LETM1: variants seen among roughly 807,000 people sequenced by gnomAD.
LETM1 encodes the protein leucine zipper and EF-hand containing transmembrane protein 1.
In LETM1, 50 loss-of-function variants were observed where a neutral mutation model predicts 74.5. The observed-to-expected ratio is 0.67, with a 90% CI of 0.53 to 0.85. The LOEUF (loss-of-function observed/expected upper bound fraction) is 0.85. LETM1 is among the 40% of genes least tolerant of loss of function. The pLI, the probability that LETM1 is intolerant of heterozygous loss-of-function variation, is 0.00. For synonymous variants in LETM1, 446 were observed against 407.1 expected, an observed-to-expected ratio of 1.10 and a Z score of -1.15; for missense variants, 824 against 967.8, an observed-to-expected ratio of 0.85 and a Z score of 1.97.
intron 1 of LETM1, 64 bp downstream of exon 1, chr4:1,855,805 G>A: frequency 1.0e-6 from 1 of 998,160 alleles, no homozygotes; most frequent in Non-Finnish European, 1.3e-6. Flanking sequence ...CGAACCCGCG[G>A]GTCGTCCGCG....
chr4:1,823,272 G>T, intron 8 of LETM1, 141 bp from the exon 9 acceptor site: 1 of 1,186,690 alleles, frequency 8.4e-7, no homozygotes, highest in Non-Finnish European at 1.2e-6. Flanking sequence ...CACTGCCGAG[G>T]TGCTGCCCGC....
chr4:1,829,916 C>A (rs1287799745), intron 6 of LETM1, among the ~76,000 whole-genome samples: 1 of 152,156 alleles, frequency 6.6e-6, no homozygotes, highest in African/African-American at 2.4e-5. Context: ...CCTTAAAAAC[C>A]CTTTGTCTTC....
At chr4:1,816,638 G>T in intron 12 of LETM1, 89 bp downstream of exon 12, 1 of 1,314,354 alleles carries the variant, frequency 7.6e-7, no homozygotes, top group Non-Finnish European at 1.1e-6. Flanking sequence ...GCCCTTTGGA[G>T]CCAGAAGGGC....
chr4:1,850,238 G>A (rs1369620428), intron 1 of LETM1, among the ~76,000 whole-genome samples: 2 of 152,152 alleles, frequency 1.3e-5, no homozygotes, highest in Admixed American at 6.6e-5. Flanking sequence ...CTGAGTGTTG[G>A]AAGGTTTCAG....
Position 1,828,074 on chromosome 4 carries a change from G to A in LETM1, c.1081-2391C>T, listed in dbSNP as rs1411640344. Among the ~76,000 whole-genome samples the A allele has an allele frequency of 3.6e-5, 5 of 140,502 alleles. 1 individual carries two copies. The highest frequency in any genetic ancestry group is 1.1e-4 in the African/African-American group (4 of 36,190). 92.2% of individuals were successfully genotyped at this position (140,502 alleles called of 152,430 possible). ...ACCCCCCCCACCTCCCTCCCGGACG[G>A]GGCGGCTGGCCGGGCAGGGGGGCTG... On this transcript the variant is annotated intron_variant, in intron 6 of 13. Coordinates refer to ENST00000302787, the MANE Select transcript of LETM1 (RefSeq NM_012318.3).
intron 12 of LETM1, among the ~76,000 whole-genome samples, chr4:1,816,309 C>T (rs141399247): frequency 2.9e-4 from 44 of 152,348 alleles, no homozygotes; most frequent in South Asian, 6.2e-4. Context: ...ACTCACAAAA[C>T]GGCAGCTCCC....
At chr4:1,835,474 A>C (rs1435358602) in intron 4 of LETM1, among the ~76,000 whole-genome samples, 1 of 148,098 alleles carries the variant, frequency 6.8e-6, no homozygotes, top group Non-Finnish European at 1.5e-5. Flanking sequence ...AAAACAAACA[A>C]ACAAACAAAC....
rs1712320571 is a variant in LETM1, at chr4:1,832,744, C to T, written c.1080G>A (p.Lys360=). 1 of 1,614,112 alleles carries T rather than the reference C, an allele frequency of 6.2e-7. No homozygotes were observed. Among genetic ancestry groups the T allele is most frequent in the South Asian group, 1.1e-5 (1 of 91,072 alleles). Residue 360 remains lysine (K), a splice_region_variant and synonymous_variant, in exon 6 of 14, where the codon AAG becomes AAA. Coordinates refer to ENST00000302787, the MANE Select transcript of LETM1 (RefSeq NM_012318.3). ...MRLRSIKADD[K]LIAEEGVDSL... is the part of the protein sequence containing the mutation. ...TGGCGCGGAGTATGGCCAGGCTCAC[C>T]TTGTCGTCTGCCTTTATGGAGCGCA...
intron 2 of LETM1, chr4:1,846,640 GA>G (rs1188733979): frequency 1.3e-5 from 2 of 152,172 alleles, no homozygotes; most frequent in African/African-American, 2.4e-5. Flanking sequence ...CTAATAAAAA[GA>G]GTAACAGACA....
rs1284975772 is a variant in LETM1 at position 1,834,278 on chromosome 4, C to G, written c.876+567G>C. ...CTTCTCACTCCAAAGTGGCACAAGT[C>G]CCTCAAGCCAACAACACCGGCCTCG... On this transcript the variant is annotated intron_variant, in intron 5 of 13. Transcript: ENST00000302787. The surrounding 1 kb of genome is among the most constrained non-coding windows in gnomAD (Gnocchi z 5.0). 1 of 518,998 alleles carries G rather than the reference C, an allele frequency of 1.9e-6. No homozygotes were observed. Among genetic ancestry groups the G allele is most frequent in the Non-Finnish European group, 2.5e-6 (1 of 403,354 alleles). 32.1% of individuals were successfully genotyped at this position (518,998 alleles called of 1,614,324 possible).
intron 2 of LETM1, among the ~76,000 whole-genome samples, chr4:1,847,279 T>C (rs2108855316): frequency 6.6e-6 from 1 of 151,368 alleles, no homozygotes; most frequent in Non-Finnish European, 1.5e-5. Flanking sequence ...AGATCAAAGC[T>C]GCAGTGAGCC....
At chr4:1,831,022 A>G (rs1387021911) in intron 6 of LETM1, among the ~76,000 whole-genome samples, 2 of 152,194 alleles carry the variant, frequency 1.3e-5, no homozygotes, top group African/African-American at 4.8e-5. Context: ...TCCAGCTTTC[A>G]TGGGCCAACC....
intron 1 of LETM1, among the ~76,000 whole-genome samples, chr4:1,852,439 G>C (rs1713100261): frequency 6.6e-6 from 1 of 152,258 alleles, no homozygotes; most frequent in East Asian, 1.9e-4. Flanking sequence ...TCTCATCAAG[G>C]CTTCATGACT....
chr4:1,820,917 G>C (rs34473483), intron 10 of LETM1, among the ~76,000 whole-genome samples: 1 of 151,884 alleles, frequency 6.6e-6, no homozygotes, highest in East Asian at 1.9e-4. Context: ...CCAGCTACTC[G>C]GGAGGCTGAG....
At chr4:1,830,327 G>C (rs1403358506) in intron 6 of LETM1, among the ~76,000 whole-genome samples, 1 of 152,048 alleles carries the variant, frequency 6.6e-6, no homozygotes, top group African/African-American at 2.4e-5. Context: ...TTTTCATTTG[G>C]TTCTTCTTTT....
At position 1,822,265 on chromosome 4, in the gene LETM1, C is replaced by A. The variant is rs770911648; in HGVS notation, c.1524G>T (p.Gly508=). 7.8e-6 allele frequency: 12 copies of A among 1,541,662 alleles called. No individual in the cohort carries two copies. The highest frequency in any genetic ancestry group is 7.9e-6 in the Non-Finnish European group (9 of 1,136,790). ...CAGGCATTTCTGGCTGTGGCTCGGT[C>A]CCCGGCCTTTGGGGAGCAGCTACCA... ...ERVVAAPQRP[G]TEPQPEMPDT... The change falls in exon 10 of 14, where the codon GGG becomes GGT. Residue 508 remains glycine, a synonymous_variant. Coordinates refer to ENST00000302787, the MANE Select transcript of LETM1 (RefSeq NM_012318.3).
intron 1 of LETM1, among the ~76,000 whole-genome samples, chr4:1,850,859 G>T (rs889334411): frequency 6.6e-6 from 1 of 150,904 alleles, no homozygotes; most frequent in Non-Finnish European, 1.5e-5. Flanking sequence ...CCAGCTACTC[G>T]GGAGGCTGAG....
At chr4:1,848,855 G>T (rs1712973929) in intron 2 of LETM1, among the ~76,000 whole-genome samples, 1 of 152,074 alleles carries the variant, frequency 6.6e-6, no homozygotes, top group Non-Finnish European at 1.5e-5. Flanking sequence ...CTCCAACTGG[G>T]AGTCCAACAA....
intron 6 of LETM1, among the ~76,000 whole-genome samples, chr4:1,828,987 G>C: frequency 1.7e-5 from 2 of 116,546 alleles, no homozygotes. Context: ...CCGGGCAGGG[G>C]GGCTGACCCC....
Sources: gnomAD v4.1 joint callset for allele counts (sites outside exome capture counted in the v4.1 genomes callset) on GRCh38, gnomAD v4.1.1 for gene constraint, Gnocchi (gnomAD v3.1) non-coding constraint, MANE v1.5 for transcripts, NCBI Gene and HGNC (gene_info 2026-07-23, HGNC 2026-07-21) for gene names.